SMG1: variants seen among roughly 807,000 people sequenced by gnomAD.
SMG1 encodes serine/threonine-protein kinase SMG1.
Under a neutral mutation model 419.9 loss-of-function variants are expected in SMG1, and 22 were observed. The observed-to-expected ratio is 0.05, with a 90% CI of 0.04 to 0.07. SMG1 has a LOEUF of 0.07. Ranked by LOEUF, SMG1 falls within the 10% of genes least tolerant of loss-of-function variation. The probability of loss-of-function intolerance (pLI) is 1.00; values close to 1 mark genes in which losing one functional copy is unlikely to be tolerated. For synonymous variants in SMG1, 1,538 were observed against 1,553.5 expected, an observed-to-expected ratio of 0.99 and a Z score of 0.23; for missense variants, 3,185 against 4,342.0, an observed-to-expected ratio of 0.73 and a Z score of 7.49.
At position 18,809,366 on chromosome 16, in the gene SMG1, C is replaced by T; in HGVS notation, c.*203G>A. The T allele has an allele frequency of 3.7e-6, 2 of 542,702 alleles. No homozygotes were observed. Among genetic ancestry groups the T allele is most frequent in the Non-Finnish European group, 3.4e-6 (1 of 292,574 alleles). The allele number at this position is 542,702 out of a possible 1,614,324, so 33.6% of individuals were successfully genotyped here. A position where few individuals can be genotyped will look rare whatever the true frequency, so the allele number is the denominator to read the frequency against. On this transcript the variant is annotated 3_prime_UTR_variant, in exon 63 of 63. Coordinates refer to ENST00000446231, the MANE Select transcript of SMG1 (RefSeq NM_015092.5). The stretch of plus-strand genomic sequence containing the variant: ...TCCTTCACCCTTGACCCTGGGGTTG[C>T]AGGCCATGGTGTTGGGCGTATCCCT...
At chr16:18,836,657 CCTCA>C in intron 46 of SMG1, 125 bp from the exon 47 acceptor site, 4 of 887,010 alleles carry the variant, frequency 4.5e-6, no homozygotes, top group Non-Finnish European at 6.9e-6. Flanking sequence ...TGAGGGCCCT[CCTCA>C]AATGTCCCTT....
chr16:18,858,784 C>T, intron 28 of SMG1: 2 of 397,818 alleles, frequency 5.0e-6, no homozygotes. Context: ...CACCTCCCAC[C>T]CCGAAATTAG....
At chr16:18,865,767 A>G (rs1489821904) in intron 23 of SMG1, among the ~76,000 whole-genome samples, 1 of 152,026 alleles carries the variant, frequency 6.6e-6, no homozygotes, top group Non-Finnish European at 1.5e-5. Context: ...GGTTCAACCA[A>G]TTCTCCTGGC....
Position 18,925,850 on chromosome 16 carries a change from G to A in SMG1, c.92+100C>T. On this transcript the variant is annotated intron_variant, in intron 1 of 62. Transcript: ENST00000446231. ...AAGCCGCGCCCGGCTCCGAGGGGTG[G>A]AGGGCCTAGGCCGCGCCTCCCAGCC... 6.8e-6 allele frequency: 6 copies of A among 885,050 alleles called. 1 individual carries two copies. In the South Asian group the frequency reaches 1.0e-4, roughly 15 times the overall value. The allele number at this position is 885,050 out of a possible 1,614,324, so 54.8% of individuals were successfully genotyped here.
rs147865349 is a variant in SMG1, at chr16:18,889,067, G to A, written c.822+305C>T. On this transcript the variant is annotated intron_variant, in intron 6 of 62. Coordinates refer to ENST00000446231, the MANE Select transcript of SMG1 (RefSeq NM_015092.5). The stretch of plus-strand genomic sequence containing the variant: ...TCTCGATCTCCTGACCTCATTATCC[G>A]CCTGCCTCGGCCTCCCAAAGTGCTG... Among the ~76,000 whole-genome samples the A allele has an allele frequency of 2.9e-4, 43 of 147,660 alleles. 1 individual carries two copies. In the East Asian group the frequency reaches 6.5e-3, roughly 22 times the overall value.
chr16:18,916,062 T>C (rs2037959605), intron 1 of SMG1, among the ~76,000 whole-genome samples: 1 of 108,904 alleles, frequency 9.2e-6, no homozygotes, highest in Non-Finnish European at 1.8e-5. Flanking sequence ...AGAGCGACAC[T>C]TCGTCTCAAA....
intron 38 of SMG1, 75 bp from the exon 39 acceptor site, chr16:18,845,726 A>C (rs1352844026): frequency 1.9e-6 from 2 of 1,058,904 alleles, no homozygotes; most frequent in Admixed American, 4.0e-5. Context: ...CAACAATTTC[A>C]ATATATCAAT....
At chr16:18,888,858 T>C (rs1379625021) in intron 6 of SMG1, among the ~76,000 whole-genome samples, 1 of 144,176 alleles carries the variant, frequency 6.9e-6, no homozygotes, top group African/African-American at 2.6e-5. Context: ...AGTCTCACTC[T>C]GTTGCCCAGG....
chr16:18,924,661 A>AT lies in SMG1; in HGVS notation c.92+1288dup, dbSNP rs913954126. 1.7e-3 allele frequency among the ~76,000 whole-genome samples: 248 copies of AT among 149,050 alleles called. 1 individual carries two copies. Among genetic ancestry groups the AT allele is most frequent in the African/African-American group, 3.7e-3 (151 of 40,870 alleles). ...AAGTCAACGCTGTTTATCGAACAATATTTTTTTTTTTACGACTAAACATCT... is the reference window on the plus strand; with the variant it reads ...AAGTCAACGCTGTTTATCGAACAATATTTTTTTTTTTTACGACTAAACATCT... On this transcript the variant is annotated intron_variant, in intron 1 of 62. Transcript: ENST00000446231.
chr16:18,887,516 C>CTTTGTTTTTTTTT lies in SMG1; in HGVS notation c.823-1851_823-1850insAAAAAAAAACAAA, dbSNP rs749197007. 5.4e-4 allele frequency among the ~76,000 whole-genome samples: 60 copies of CTTTGTTTTTTTTT among 110,122 alleles called. 4 individuals carry two copies. The highest frequency in any genetic ancestry group is 1.7e-3 in the African/African-American group (50 of 29,030). The allele number at this position is 110,122 out of a possible 152,430, so 72.2% of individuals were successfully genotyped here. ...ACCACGCCCGACTTATTTTTTTTTC[C>CTTTGTTTTTTTTT]TTTTTTTTTTTTTTTTTAATAGAAA... On this transcript the variant is annotated intron_variant, in intron 6 of 62. Coordinates refer to ENST00000446231, the MANE Select transcript of SMG1 (RefSeq NM_015092.5).
chr16:18,904,165 CTGATCTCG>C (rs2037463255), intron 1 of SMG1, among the ~76,000 whole-genome samples: 2 of 150,396 alleles, frequency 1.3e-5, no homozygotes, highest in South Asian at 4.2e-4. Flanking sequence ...TCTCGATCTC[CTGATCTCG>C]TGATCCACCC....
rs765224253 is a variant in SMG1, at chr16:18,817,467, T to A, written c.9898A>T (p.Thr3300Ser). The change falls in exon 57 of 63, where the codon ACA (threonine) becomes TCA (serine). Residue 3300 changes from threonine (T) to serine (S), a missense_variant. Around this residue, in one of 27 missense-constraint regions of SMG1, gnomAD observed 737 missense variants for 846.6 expected, o/e 0.87. Transcript: ENST00000446231. Reference protein sequence around the residue: ...LKESQRASQVTFLCSNIIHFE... With the variant: ...LKESQRASQVSFLCSNIIHFE... ...TGAATGATATTGCTGCAGAGAAATG[T>A]GACCTGTAAAGACAGAAATGGAACC... is the stretch of plus-strand genomic sequence containing the variant. 2 of 1,569,504 alleles carry A rather than the reference T, an allele frequency of 1.3e-6. No homozygotes were observed. Among genetic ancestry groups the A allele is most frequent in the African/African-American group, 2.7e-5 (2 of 73,962 alleles).
At chr16:18,878,511 G>A (rs2036242494) in intron 11 of SMG1, 1 of 151,944 alleles carries the variant, frequency 6.6e-6, no homozygotes, top group East Asian at 1.9e-4. Context: ...GGGAGGCTGA[G>A]TGGGAAGATC....
At chr16:18,907,502 T>A (rs1182041225) in intron 1 of SMG1, among the ~76,000 whole-genome samples, 1 of 152,074 alleles carries the variant, frequency 6.6e-6, no homozygotes, top group Non-Finnish European at 1.5e-5. Flanking sequence ...ACTACAGGTA[T>A]GGAGTGGCTC....
rs1167556595 is a variant in SMG1, at chr16:18,819,673, T to C, written c.9742-19A>G. 2.0e-6 allele frequency: 3 copies of C among 1,531,178 alleles called. No individual in the cohort carries two copies. In the South Asian group the frequency reaches 3.8e-5, roughly 20 times the overall value. The allele number at this position is 1,531,178 out of a possible 1,614,324, so 94.8% of individuals were successfully genotyped here. On this transcript the variant is annotated intron_variant, in intron 55 of 62. Coordinates refer to ENST00000446231, the MANE Select transcript of SMG1 (RefSeq NM_015092.5). ...GCTTCTCCTATAAAAGCCAGCAGAA[T>C]CTTGGTGAAGGTATATGACATTCTC...
Position 18,842,403 on chromosome 16 carries a change from G to A in SMG1, c.6271C>T (p.Arg2091Cys), listed in dbSNP as rs756619992. 123 of 1,613,868 alleles carry A rather than the reference G, an allele frequency of 7.6e-5. No individual in the cohort carries two copies. The highest frequency in any genetic ancestry group is 1.1e-4 in the East Asian group (5 of 44,886). Residue 2091 changes from arginine to cysteine, a missense_variant, in exon 40 of 63, where the codon CGT (arginine) becomes TGT (cysteine). This residue lies in a region of SMG1 where 159 missense variants were observed against 196.0 expected (regional missense o/e 0.81). Transcript: ENST00000446231. ...AACCATGGACTGATTTCTTCAAGAC[G>A]CAAGATGTAACTTGCACGTTTCTGT... is the stretch of plus-strand genomic sequence containing the variant. ...RAQKRASYIL[R>C]LEEISPWLAA...
At position 18,830,510 on chromosome 16, in the gene SMG1, C is replaced by T. The variant is rs142821879; in HGVS notation, c.8793-141G>A. On this transcript the variant is annotated intron_variant, in intron 51 of 62. Transcript: ENST00000446231. ...GCATTAAGAAGAAGTGTTATTAGGCCGGGCGCGGTGGCTCACGCCTGTAAT... is the reference window on the plus strand; with the variant it reads ...GCATTAAGAAGAAGTGTTATTAGGCTGGGCGCGGTGGCTCACGCCTGTAAT... 888 of 969,668 alleles carry T rather than the reference C, an allele frequency of 9.2e-4. 2 individuals carry two copies. Among genetic ancestry groups the T allele is most frequent in the Non-Finnish European group, 8.5e-4 (559 of 660,820 alleles). The allele number at this position is 969,668 out of a possible 1,614,324, so 60.1% of individuals were successfully genotyped here.
intron 31 of SMG1, among the ~76,000 whole-genome samples, 185 bp from the exon 32 acceptor site, chr16:18,852,647 T>G (rs1225368076): frequency 1.3e-4 from 20 of 152,228 alleles, no homozygotes; most frequent in African/African-American, 4.6e-4. Context: ...AAGGTTGGTA[T>G]GTTGAAATGA....
At chr16:18,832,643 T>TGA (rs1361990883) in intron 51 of SMG1, among the ~76,000 whole-genome samples, 1 of 151,798 alleles carries the variant, frequency 6.6e-6, no homozygotes. Flanking sequence ...TAGTGAAATC[T>TGA]GAGTAAGCGG....
Sources: gnomAD v4.1 joint callset for allele counts (sites outside exome capture counted in the v4.1 genomes callset) on GRCh38, gnomAD v4.1.1 for gene constraint, gnomAD v4.1.1 regional missense constraint, MANE v1.5 for transcripts, NCBI Gene and HGNC (gene_info 2026-07-23, HGNC 2026-07-21) for gene names.